Variants in PPP2R2B observed in about 807,000 individuals in gnomAD.
PPP2R2B encodes serine/threonine-protein phosphatase 2A 55 kDa regulatory subunit B beta isoform.
A neutral mutation model predicts 46.0 loss-of-function variants in PPP2R2B; 5 were observed. That is an observed-to-expected ratio of 0.11 (90% CI 0.06 to 0.23). The LOEUF (loss-of-function observed/expected upper bound fraction) is 0.23, where lower values mean the gene tolerates loss of function less well. Among genes scored for constraint, PPP2R2B ranks in the 10% least tolerant of loss-of-function variants. The probability of loss-of-function intolerance (pLI) is 1.00; values close to 1 mark genes in which losing one functional copy is unlikely to be tolerated. For missense variants in PPP2R2B, 367 were observed against 575.0 expected (o/e 0.64, Z 3.70); for synonymous variants, 215 against 206.7 (o/e 1.04, Z -0.34).
intron 1 of PPP2R2B, among the ~76,000 whole-genome samples, chr5:147,006,051 CA>C (rs1754422576): frequency 1.3e-5 from 2 of 152,286 alleles, no homozygotes; most frequent in Admixed American, 1.3e-4. Flanking sequence ...GGTTTCCTAA[CA>C]GGGGGATCTA....
chr5:147,030,870 T>C (rs1264729380), intron 1 of PPP2R2B, among the ~76,000 whole-genome samples: 1 of 152,222 alleles, frequency 6.6e-6, no homozygotes, highest in Non-Finnish European at 1.5e-5. Flanking sequence ...CTTTTCATTA[T>C]GGTTCACTCA....
chr5:147,066,018 G>A (rs142597798), intron 2 of PPP2R2B, among the ~76,000 whole-genome samples: 2 of 152,146 alleles, frequency 1.3e-5, no homozygotes, highest in East Asian at 1.9e-4. Flanking sequence ...TTCCTGATTC[G>A]GGCTGGAATC....
chr5:146,875,633 G>GA lies in PPP2R2B; in HGVS notation c.70+2368dup, dbSNP rs377752714. On this transcript the variant is annotated intron_variant, in intron 2 of 9. Coordinates refer to ENST00000394411, the MANE Select transcript of PPP2R2B (RefSeq NM_181675.4). The stretch of plus-strand genomic sequence containing the variant: ...TACATGTGAAGGAGATATTTTGGAG[G>GA]AAAAAAAAGAACAATCTGACATAAC... Among the ~76,000 whole-genome samples, 281 of 151,664 alleles carry GA rather than the reference G, an allele frequency of 1.9e-3. 1 individual carries two copies. The highest frequency in any genetic ancestry group is 5.8e-3 in the African/African-American group (241 of 41,410).
Position 147,065,456 on chromosome 5 carries a change from C to A in PPP2R2B, c.50+15603G>T, listed in dbSNP as rs541558534. On this transcript the variant is annotated intron_variant, in intron 2 of 10. Transcript: ENST00000394413. ...CTGGGGGTATCCTAAGAAAATGAAA[C>A]CTAATGAAGCTTTTTGGGAGGCGAG... Among the ~76,000 whole-genome samples, 10 of 152,056 alleles carry A rather than the reference C, an allele frequency of 6.6e-5. No homozygotes were observed. The South Asian group carries it at 2.1e-3, about 32-fold the overall frequency.
intron 1 of PPP2R2B, among the ~76,000 whole-genome samples, chr5:146,940,875 A>C (rs752113745): frequency 2.1e-4 from 32 of 152,168 alleles, no homozygotes; most frequent in Non-Finnish European, 3.4e-4. Context: ...AGAGAATATG[A>C]GTGATTTCAG....
chr5:146,704,459 C>T (rs536844301), intron 2 of PPP2R2B, among the ~76,000 whole-genome samples: 2 of 152,304 alleles, frequency 1.3e-5, no homozygotes, highest in Non-Finnish European at 2.9e-5. Flanking sequence ...TCATTAACTG[C>T]TCAGCCTAAT....
intron 2 of PPP2R2B, among the ~76,000 whole-genome samples, chr5:146,731,461 C>T (rs887300472): frequency 2.7e-4 from 41 of 152,206 alleles, no homozygotes; most frequent in African/African-American, 9.2e-4. Flanking sequence ...CTTTATGTGG[C>T]AGAGAGAAGG....
chr5:146,746,429 T>C (rs1036332955), intron 2 of PPP2R2B, among the ~76,000 whole-genome samples: 21 of 152,144 alleles, frequency 1.4e-4, no homozygotes, highest in Non-Finnish European at 2.5e-4. Context: ...AAGCAGCCAC[T>C]GGGTGACAGC....
chr5:146,759,770 CATTT>C (rs1170597619), intron 2 of PPP2R2B, among the ~76,000 whole-genome samples: 2 of 135,756 alleles, frequency 1.5e-5, no homozygotes, highest in Non-Finnish European at 3.2e-5. Context: ...TTTTTTTTTT[CATTT>C]GTGACGGAGG....
intron 1 of PPP2R2B, among the ~76,000 whole-genome samples, chr5:147,048,983 T>A (rs1398000171): frequency 6.6e-6 from 1 of 151,974 alleles, no homozygotes; most frequent in African/African-American, 2.4e-5. Flanking sequence ...AATGGATGTA[T>A]AACAGGTCAG....
chr5:146,644,565 G>T (rs1252162013), intron 6 of PPP2R2B, among the ~76,000 whole-genome samples: 6 of 152,156 alleles, frequency 3.9e-5, no homozygotes, highest in Non-Finnish European at 8.8e-5. Context: ...ACCTCATCTC[G>T]ATGGGTAAAG....
intron 1 of PPP2R2B, among the ~76,000 whole-genome samples, chr5:147,044,846 A>G (rs145590207): frequency 2.6e-5 from 4 of 152,314 alleles, no homozygotes; most frequent in African/African-American, 9.6e-5. Flanking sequence ...CTTGCTGAAT[A>G]AACATGATAT....
intron 2 of PPP2R2B, among the ~76,000 whole-genome samples, chr5:146,756,241 A>G (rs1753822847): frequency 1.3e-5 from 2 of 152,330 alleles, no homozygotes; most frequent in African/African-American, 4.8e-5. Context: ...TTTATACCCT[A>G]CAAAGTGGGT....
intron 2 of PPP2R2B, among the ~76,000 whole-genome samples, chr5:146,713,627 A>G (rs543812358): frequency 3.9e-5 from 6 of 152,284 alleles, no homozygotes; most frequent in Non-Finnish European, 2.9e-5. Flanking sequence ...GAGATAAACC[A>G]TGGTGTAGGC....
chr5:146,678,300 T>C lies in PPP2R2B; in HGVS notation c.447+12828A>G, dbSNP rs545912697. Among the ~76,000 whole-genome samples, 10 of 151,026 alleles carry C rather than the reference T, an allele frequency of 6.6e-5. No homozygotes were observed. In the East Asian group the frequency reaches 1.7e-3, roughly 26 times the overall value. ...GAGCCAAAGACAAAAACCACATGCT[T>C]ATCTCAATAGATGCAGAAAAAGCCT... On this transcript the variant is annotated intron_variant, in intron 5 of 9. Coordinates refer to ENST00000394411, the MANE Select transcript of PPP2R2B (RefSeq NM_181675.4).
At chr5:146,617,616 C>A (rs1773292587) in intron 7 of PPP2R2B, among the ~76,000 whole-genome samples, 1 of 151,928 alleles carries the variant, frequency 6.6e-6, no homozygotes, top group African/African-American at 2.4e-5. Flanking sequence ...AAGAGATATA[C>A]CATGCCTACG....
intron 2 of PPP2R2B, among the ~76,000 whole-genome samples, chr5:146,798,983 A>G (rs1053980125): frequency 6.6e-6 from 1 of 152,190 alleles, no homozygotes; most frequent in Admixed American, 6.5e-5. Context: ...AAAACCATAT[A>G]TATAAAAATA....
intron 2 of PPP2R2B, among the ~76,000 whole-genome samples, chr5:146,754,039 C>T (rs1341529227): frequency 1.3e-5 from 2 of 152,030 alleles, no homozygotes; most frequent in African/African-American, 4.8e-5. Flanking sequence ...CATCATAAAT[C>T]CAGGCTTGAA....
intron 1 of PPP2R2B, among the ~76,000 whole-genome samples, chr5:146,893,050 T>C (rs1227720182): frequency 6.6e-6 from 1 of 152,194 alleles, no homozygotes; most frequent in Non-Finnish European, 1.5e-5. Flanking sequence ...CTTGAAGAAC[T>C]CTGAGCTCTG....
Sources: gnomAD v4.1 joint callset for allele counts (sites outside exome capture counted in the v4.1 genomes callset) on GRCh38, gnomAD v4.1.1 for gene constraint, MANE v1.5 for transcripts, NCBI Gene and HGNC (gene_info 2026-07-23, HGNC 2026-07-21) for gene names.